Variants in PPP6R3 observed in about 807,000 individuals in gnomAD.
PPP6R3 encodes protein phosphatase 6 regulatory subunit 3.
Under a neutral mutation model 110.7 loss-of-function variants are expected in PPP6R3, and 38 were observed. That is an observed-to-expected ratio of 0.34 (90% confidence interval 0.26 to 0.45). The LOEUF is 0.45. Ranked by LOEUF, PPP6R3 falls within the 20% of genes least tolerant of loss-of-function variation. The pLI is 1.00. For missense variants in PPP6R3, 870 were observed against 1,062.4 expected, an observed-to-expected ratio of 0.82 and a Z score of 2.52; for synonymous variants, 369 against 373.5, an observed-to-expected ratio of 0.99 and a Z score of 0.14.
At chr11:68,553,625 A>ATG (rs2099389326) in intron 6 of PPP6R3, among the ~76,000 whole-genome samples, 1 of 152,118 alleles carries the variant, frequency 6.6e-6, no homozygotes, top group Non-Finnish European at 1.5e-5. Context: ...CAAAAAAAGT[A>ATG]TGTGCATCCT....
At chr11:68,468,980 A>G (rs909133935) in intron 1 of PPP6R3, among the ~76,000 whole-genome samples, 1 of 152,232 alleles carries the variant, frequency 6.6e-6, no homozygotes, top group African/African-American at 2.4e-5. Flanking sequence ...TGAAGGATCA[A>G]TATATGTTAA....
intron 16 of PPP6R3, among the ~76,000 whole-genome samples, chr11:68,588,274 G>A (rs762644424): frequency 3.3e-5 from 5 of 151,994 alleles, no homozygotes; most frequent in Non-Finnish European, 2.9e-5. Flanking sequence ...TGAGGCAGGC[G>A]GATCACTTGA....
rs73516856 is a variant in PPP6R3 at position 68,474,444 on chromosome 11, G to A, written c.-158+13617G>A. ...CTTGCTTTTTTTTCAAAAAAGAAAT[G>A]CTGTATTTTTCCTGTTTTTAACTTA... On this transcript the variant is annotated intron_variant, in intron 1 of 23. Transcript: ENST00000393800. 9.0e-3 allele frequency among the ~76,000 whole-genome samples: 1,366 copies of A among 152,164 alleles called. 19 individuals are homozygous for A. The highest frequency in any genetic ancestry group is 0.032 in the African/African-American group (1,309 of 41,502).
intron 3 of PPP6R3, among the ~76,000 whole-genome samples, chr11:68,539,457 C>T (rs2099297221): frequency 6.6e-6 from 1 of 152,202 alleles, no homozygotes; most frequent in Non-Finnish European, 1.5e-5. Context: ...TTTGAGGTTG[C>T]AAGAGCAAAT....
intron 17 of PPP6R3, 69 bp from the exon 18 acceptor site, chr11:68,591,507 T>C: frequency 2.8e-6 from 4 of 1,411,610 alleles, no homozygotes; most frequent in Non-Finnish European, 1.9e-6. Flanking sequence ...TTTACATTGG[T>C]AATGCTTAAG....
intron 1 of PPP6R3, among the ~76,000 whole-genome samples, chr11:68,502,279 G>A (rs1401363732): frequency 6.6e-6 from 1 of 152,122 alleles, no homozygotes; most frequent in East Asian, 1.9e-4. Context: ...GGAAAATTGA[G>A]ATGTTTTCAC....
intron 15 of PPP6R3, among the ~76,000 whole-genome samples, chr11:68,584,442 C>T (rs2099571935): frequency 6.6e-6 from 1 of 152,154 alleles, no homozygotes; most frequent in South Asian, 2.1e-4. Flanking sequence ...TACATTGGTC[C>T]ACCCCTAGAA....
Position 68,555,479 on chromosome 11 carries a change from G to C in PPP6R3, c.731+1222G>C, listed in dbSNP as rs1011215773. Reference sequence around the variant, plus strand: ...GTGTATTTTACACTTAGAACATGCCGGTCAGACGAGTTAAATTTTGGGTGC... The same window carrying C: ...GTGTATTTTACACTTAGAACATGCCCGTCAGACGAGTTAAATTTTGGGTGC... On this transcript the variant is annotated intron_variant, in intron 7 of 23. Transcript: ENST00000393800. Among the ~76,000 whole-genome samples, 3 of 152,176 alleles carry C rather than the reference G, an allele frequency of 2.0e-5. 1 individual carries two copies. Among genetic ancestry groups the C allele is most frequent in the Admixed American group, 1.3e-4 (2 of 15,270 alleles).
intron 1 of PPP6R3, among the ~76,000 whole-genome samples, chr11:68,497,246 G>A (rs1426138696): frequency 6.7e-6 from 1 of 148,740 alleles, no homozygotes; most frequent in Admixed American, 6.8e-5. Context: ...AGTAGAGATG[G>A]GGTTTCACCG....
At chr11:68,607,945 TTTTG>T (rs1322373550) in intron 22 of PPP6R3, among the ~76,000 whole-genome samples, 10 of 152,112 alleles carry the variant, frequency 6.6e-5, no homozygotes, top group African/African-American at 1.4e-4. Context: ...GGCTTAATTT[TTTTG>T]TTTGTTTACT....
At chr11:68,572,916 AT>A (rs1275818405) in intron 12 of PPP6R3, among the ~76,000 whole-genome samples, 1 of 148,758 alleles carries the variant, frequency 6.7e-6, no homozygotes, top group Non-Finnish European at 1.5e-5. Context: ...CAGATACTTT[AT>A]TTTCCAAGCA....
intron 9 of PPP6R3, among the ~76,000 whole-genome samples, chr11:68,565,381 T>C (rs879298467): frequency 1.3e-5 from 2 of 152,056 alleles, no homozygotes; most frequent in Non-Finnish European, 2.9e-5. Context: ...CCACATCTTA[T>C]CTGCATTCAG....
chr11:68,486,431 C>A (rs1438117683), intron 1 of PPP6R3, among the ~76,000 whole-genome samples: 2 of 151,872 alleles, frequency 1.3e-5, no homozygotes, highest in African/African-American at 4.8e-5. Context: ...CGGTGAAACC[C>A]CATCTCTCTT....
intron 1 of PPP6R3, among the ~76,000 whole-genome samples, chr11:68,499,275 C>G (rs945217635): frequency 6.6e-6 from 1 of 152,012 alleles, no homozygotes; most frequent in Non-Finnish European, 1.5e-5. Flanking sequence ...GTGTGATTAG[C>G]CCTCTGAAGC....
At chr11:68,550,018 T>C (rs959774650) in intron 5 of PPP6R3, among the ~76,000 whole-genome samples, 24 of 152,120 alleles carry the variant, frequency 1.6e-4, no homozygotes, top group African/African-American at 5.8e-4. Context: ...GCCCCTCACA[T>C]AGATGTTTAC....
chr11:68,498,394 TA>T (rs1288391396), intron 1 of PPP6R3, among the ~76,000 whole-genome samples: 3 of 152,310 alleles, frequency 2.0e-5, no homozygotes, highest in Middle Eastern at 3.4e-3. Flanking sequence ...TATTACTATT[TA>T]AAAACTCTAT....
chr11:68,596,219 G>A lies in PPP6R3; in HGVS notation c.2038+1G>A. On this transcript the variant is annotated splice_donor_variant, in intron 19 of 23. Coordinates refer to ENST00000393800, the MANE Select transcript of PPP6R3 (RefSeq NM_001164161.2). LOFTEE classifies it high-confidence loss of function. ...AAAATGGAGGTGGACCTGAGTGAACGTAAGTGGATTCATTCTTCAGATCAG... is the reference window on the plus strand; with the variant it reads ...AAAATGGAGGTGGACCTGAGTGAACATAAGTGGATTCATTCTTCAGATCAG... 1.2e-6 allele frequency: 2 copies of A among 1,614,182 alleles called. No individual in the cohort carries two copies. Among genetic ancestry groups the A allele is most frequent in the Non-Finnish European group, 1.7e-6 (2 of 1,180,018 alleles).
chr11:68,512,303 C>G (rs1442092903), intron 1 of PPP6R3, among the ~76,000 whole-genome samples: 1 of 152,146 alleles, frequency 6.6e-6, no homozygotes, highest in African/African-American at 2.4e-5. Flanking sequence ...TGGCCTCTTT[C>G]TGGTTTAGAG....
At chr11:68,581,310 GTAGTTCAA>G (rs1417646358) in intron 14 of PPP6R3, among the ~76,000 whole-genome samples, 1 of 152,216 alleles carries the variant, frequency 6.6e-6, no homozygotes, top group South Asian at 2.1e-4. Flanking sequence ...CTGGCACATA[GTAGTTCAA>G]TAAAAGTTAG....
Sources: allele counts gnomAD v4.1 joint callset (sites outside exome capture counted in the v4.1 genomes callset), GRCh38; gene constraint gnomAD v4.1.1; transcripts MANE v1.5; gene names NCBI Gene and HGNC (gene_info 2026-07-23, HGNC 2026-07-21).